RALGPS2: variants seen among roughly 807,000 people sequenced by gnomAD.
RALGPS2 encodes Ral GEF with PH domain and SH3 binding motif 2.
In RALGPS2, 43 loss-of-function variants were observed where a neutral mutation model predicts 86.8. The observed-to-expected ratio is 0.50, with a 90% CI of 0.39 to 0.64. The LOEUF is 0.64. RALGPS2 is among the 30% of genes least tolerant of loss of function. RALGPS2 has a pLI of 0.00. For missense variants in RALGPS2, 536 were observed against 694.6 expected (o/e 0.77, Z 2.57); for synonymous variants, 243 against 231.3 (o/e 1.05, Z -0.46).
chr1:178,817,979 A>G (rs570871297), intron 6 of RALGPS2, among the ~76,000 whole-genome samples: 1 of 152,272 alleles, frequency 6.6e-6, no homozygotes, highest in African/African-American at 2.4e-5. Flanking sequence ...TAAACATTAT[A>G]TTTAAAAGAA....
At chr1:178,754,073 C>T (rs1007461136) in intron 1 of RALGPS2, among the ~76,000 whole-genome samples, 9 of 151,914 alleles carry the variant, frequency 5.9e-5, no homozygotes, top group Admixed American at 2.6e-4. Context: ...CCGCCCGCCT[C>T]GGCCTCCCAA....
chr1:178,758,358 G>A (rs571607758), intron 1 of RALGPS2, among the ~76,000 whole-genome samples: 1 of 152,028 alleles, frequency 6.6e-6, no homozygotes, highest in South Asian at 2.1e-4. Context: ...TGGTAAATGG[G>A]TTATTCATCC....
At chr1:178,889,915 G>A (rs1659650283) in intron 14 of RALGPS2, among the ~76,000 whole-genome samples, 1 of 151,974 alleles carries the variant, frequency 6.6e-6, no homozygotes, top group Non-Finnish European at 1.5e-5. Flanking sequence ...CATGACACAT[G>A]TATTTGAATT....
chr1:178,832,086 A>G (rs926856464), intron 7 of RALGPS2, among the ~76,000 whole-genome samples: 1 of 152,216 alleles, frequency 6.6e-6, no homozygotes, highest in Non-Finnish European at 1.5e-5. Context: ...GCATATCCAG[A>G]TACTTCCTTA....
chr1:178,819,883 A>G (rs947573857), intron 6 of RALGPS2, among the ~76,000 whole-genome samples: 1 of 152,104 alleles, frequency 6.6e-6, no homozygotes, highest in African/African-American at 2.4e-5. Context: ...CCCTTCCTGT[A>G]TGCCACCTTC....
chr1:178,831,376 G>C (rs975636131), intron 7 of RALGPS2, among the ~76,000 whole-genome samples: 1 of 152,212 alleles, frequency 6.6e-6, no homozygotes, highest in Non-Finnish European at 1.5e-5. Context: ...AAACCAAGGT[G>C]ATGAGGAATA....
chr1:178,769,714 G>A (rs978403465), intron 1 of RALGPS2, among the ~76,000 whole-genome samples: 5 of 152,130 alleles, frequency 3.3e-5, no homozygotes, highest in South Asian at 2.1e-4. Flanking sequence ...CTCATTGTCC[G>A]GGAGAAAGTG....
chr1:178,863,773 A>G (rs944270833), intron 8 of RALGPS2, among the ~76,000 whole-genome samples: 1 of 152,224 alleles, frequency 6.6e-6, no homozygotes, highest in African/African-American at 2.4e-5. Context: ...AAGGACCTAA[A>G]GAAATAGGAA....
chr1:178,763,481 A>G (rs544498559), intron 1 of RALGPS2, among the ~76,000 whole-genome samples: 4 of 152,262 alleles, frequency 2.6e-5, no homozygotes, highest in African/African-American at 4.8e-5. Flanking sequence ...AGCCATGAAC[A>G]TGGAATGCTT....
At position 178,921,375 on chromosome 1, in the gene RALGPS2, C is replaced by T. The variant is rs1647297558; in HGVS notation, c.*5016C>T. 1.3e-5 allele frequency: 2 copies of T among 151,974 alleles called. No homozygotes were observed. The highest frequency in any genetic ancestry group is 4.8e-5 in the African/African-American group (2 of 41,424). The allele number at this position is 151,974 out of a possible 1,614,324, so 9.4% of individuals were successfully genotyped here. On this transcript the variant is annotated 3_prime_UTR_variant, in exon 20 of 20. Transcript: ENST00000367635. ...CTGAAGATATGACCTACTAGAACTA[C>T]TCACATATATAGTCCAATAATTACT...
intron 7 of RALGPS2, among the ~76,000 whole-genome samples, chr1:178,822,200 CTGA>C (rs1655538976): frequency 6.6e-6 from 1 of 151,992 alleles, no homozygotes; most frequent in Admixed American, 6.6e-5. Flanking sequence ...GCTGCACATG[CTGA>C]TATTATGTTA....
intron 8 of RALGPS2, among the ~76,000 whole-genome samples, chr1:178,849,234 G>GT (rs1159363352): frequency 6.6e-6 from 1 of 152,142 alleles, no homozygotes; most frequent in Non-Finnish European, 1.5e-5. Flanking sequence ...GACCCAAGCA[G>GT]TTCTGACTTC....
chr1:178,768,722 C>T (rs1043342244), intron 1 of RALGPS2, among the ~76,000 whole-genome samples: 8 of 152,146 alleles, frequency 5.3e-5, no homozygotes, highest in South Asian at 4.1e-4. Context: ...GGTCCACCTA[C>T]GGGTCCCCCA....
intron 8 of RALGPS2, among the ~76,000 whole-genome samples, chr1:178,856,202 GATATATATATAT>G (rs55797277): frequency 1.9e-4 from 16 of 83,910 alleles, no homozygotes; most frequent in African/African-American, 5.8e-4. Flanking sequence ...GAGAGAGAGA[GATATATATATAT>G]ATATATATAT....
intron 1 of RALGPS2, among the ~76,000 whole-genome samples, chr1:178,758,923 AT>A (rs374663617): frequency 4.7e-5 from 7 of 149,844 alleles, no homozygotes; most frequent in Non-Finnish European, 1.0e-4. Flanking sequence ...AGAGTATTAG[AT>A]TTTTTTTTTC....
intron 8 of RALGPS2, among the ~76,000 whole-genome samples, chr1:178,856,234 T>TATATATATATATATATACAC (rs1368301659): frequency 2.3e-4 from 30 of 128,776 alleles, no homozygotes; most frequent in African/African-American, 8.8e-4. Flanking sequence ...TATATATATA[T>TATATATATATATATATACAC]GGTTTTGGGT....
intron 1 of RALGPS2, among the ~76,000 whole-genome samples, chr1:178,728,176 C>G (rs1036371724): frequency 2.6e-5 from 4 of 152,060 alleles, no homozygotes; most frequent in African/African-American, 9.7e-5. Flanking sequence ...ATTCTCTCGG[C>G]ATTTATTTAT....
chr1:178,906,374 C>CA (rs553692347), intron 18 of RALGPS2, among the ~76,000 whole-genome samples: 2,218 of 136,184 alleles, frequency 0.016, 51 homozygotes, highest in African/African-American at 0.046. Flanking sequence ...GACTCCATCT[C>CA]AAAAAAAAAA....
chr1:178,755,042 T>G (rs1651880385), intron 1 of RALGPS2, among the ~76,000 whole-genome samples: 1 of 152,216 alleles, frequency 6.6e-6, no homozygotes, highest in Non-Finnish European at 1.5e-5. Context: ...TCAGGTGATG[T>G]GCCTGTCTTG....
Sources: allele counts gnomAD v4.1 joint callset (sites outside exome capture counted in the v4.1 genomes callset), GRCh38; gene constraint gnomAD v4.1.1; transcripts MANE v1.5; gene names NCBI Gene and HGNC (gene_info 2026-07-23, HGNC 2026-07-21).